Variants in ORMDL3 observed in about 807,000 individuals in gnomAD.
ORMDL3 encodes ORM1-like protein 3.
In ORMDL3, 6 loss-of-function variants were observed where a neutral mutation model predicts 12.6. The ratio of observed to expected loss-of-function variants is 0.48; its 90% CI spans 0.26 to 0.94. ORMDL3 has a LOEUF of 0.94. Among genes scored for constraint, ORMDL3 ranks in the 40% least tolerant of loss-of-function variants. The pLI is 0.14. For missense variants in ORMDL3, 159 were observed against 205.5 expected (o/e 0.77, Z 1.38); for synonymous variants, 99 against 87.2 (o/e 1.14, Z -0.75).
intron 1 of ORMDL3, 115 bp downstream of exon 1, chr17:39,927,369 A>T: frequency 3.6e-6 from 2 of 552,846 alleles, no homozygotes; most frequent in Non-Finnish European, 4.3e-6. Context: ...CACTCCCTCC[A>T]CCCCCCACTC....
At chr17:39,927,187 C>A (rs949740752) in intron 1 of ORMDL3, 11 of 233,826 alleles carry the variant, frequency 4.7e-5, no homozygotes, top group Admixed American at 1.3e-4. Context: ...CCACAGCCAT[C>A]TCCACGCGTT....
Position 39,927,560 on chromosome 17 carries a change from A to G in ORMDL3, c.-99T>C. 4.1e-6 allele frequency: 4 copies of G among 985,096 alleles called. No homozygotes were observed. Among genetic ancestry groups the G allele is most frequent in the Non-Finnish European group, 4.8e-6 (4 of 829,898 alleles). 61.0% of individuals were successfully genotyped at this position (985,096 alleles called of 1,614,324 possible). A position where few individuals can be genotyped will look rare whatever the true frequency, so the allele number is the denominator to read the frequency against. ...CGCTGCTGCTCCAGCAGCTGTAACAACCCGCGGCTGCAGCCTCCCCGCTGG... is the reference window on the plus strand; with the variant it reads ...CGCTGCTGCTCCAGCAGCTGTAACAGCCCGCGGCTGCAGCCTCCCCGCTGG... On this transcript the variant is annotated 5_prime_UTR_variant, in exon 1 of 4. Transcript: ENST00000304046.
At chr17:39,926,821 T>C in intron 1 of ORMDL3, 1 of 985,954 alleles carries the variant, frequency 1.0e-6, no homozygotes, top group Non-Finnish European at 1.2e-6. Flanking sequence ...GCAAACCTCC[T>C]GTCTTCTGGA....
At chr17:39,926,755 GC>G in intron 1 of ORMDL3, 1 of 978,790 alleles carries the variant, frequency 1.0e-6, no homozygotes, top group Non-Finnish European at 1.2e-6. Flanking sequence ...CACCAGGGCA[GC>G]CACCAGGTGA....
At chr17:39,923,802 A>G (rs562129946) in intron 2 of ORMDL3, among the ~76,000 whole-genome samples, 33 of 152,196 alleles carry the variant, frequency 2.2e-4, no homozygotes, top group African/African-American at 7.7e-4. Context: ...AGAGATGTGG[A>G]AAAATCTGCA....
At position 39,923,125 on chromosome 17, in the gene ORMDL3, T is replaced by A. The variant is rs767069778; in HGVS notation, c.313A>T (p.Thr105Ser). 5.0e-6 allele frequency: 8 copies of A among 1,614,124 alleles called. No homozygotes were observed. The East Asian group carries it at 1.8e-4, about 36-fold the overall frequency. The change falls in exon 3 of 4, where the codon ACA (threonine) becomes TCA (serine). Residue 105 changes from threonine (T) to serine (S), a missense_variant. Physicochemically the swap from Thr to Ser is moderately conservative, Grantham distance 58. Transcript: ENST00000304046. The stretch of plus-strand genomic sequence containing the variant: ...CCAGGCACTCACAGCACGATGGGTG[T>A]GATGGTCAAGAACTTCCGAGAGGCC... ...FTASRKFLTITPIVLYFLTSF... is the reference protein window; with the variant it reads ...FTASRKFLTISPIVLYFLTSF...
chr17:39,924,145 C>A lies in ORMDL3; in HGVS notation c.59G>T (p.Arg20Leu), dbSNP rs879866057. 3.7e-6 allele frequency: 6 copies of A among 1,614,100 alleles called. No individual in the cohort carries two copies. The highest frequency in any genetic ancestry group is 4.2e-6 in the Non-Finnish European group (5 of 1,179,954). ...VNPNTRVMNS[R>L]GIWLSYVLAI... ...CAGCACGTAGGAGAGCCAGATGCCACGGCTGTTCATCACCCGCGTGTTGGG... is the reference window on the plus strand; with the variant it reads ...CAGCACGTAGGAGAGCCAGATGCCAAGGCTGTTCATCACCCGCGTGTTGGG... Residue 20 changes from arginine (R) to leucine (L), a missense_variant, in exon 2 of 4, where the codon CGT becomes CTT. Coordinates refer to ENST00000304046, the MANE Select transcript of ORMDL3 (RefSeq NM_139280.4).
chr17:39,923,895 G>C, intron 2 of ORMDL3, 135 bp downstream of exon 2: 1 of 890,438 alleles, frequency 1.1e-6, no homozygotes, highest in East Asian at 2.7e-5. Flanking sequence ...CCTGGGCTCT[G>C]GAGGCAGATG....
At chr17:39,922,789 T>G in intron 3 of ORMDL3, 104 bp from the exon 4 acceptor site, 2 of 1,388,444 alleles carry the variant, frequency 1.4e-6, no homozygotes, top group Non-Finnish European at 1.9e-6. Flanking sequence ...GCTAAGGAGT[T>G]ACAGAAGAGG....
intron 1 of ORMDL3, chr17:39,926,578 T>C (rs17608925): frequency 0.098 from 16,316 of 166,448 alleles, 910 homozygotes; most frequent in South Asian, 0.15. Context: ...TGGGCCCTGA[T>C]GTGGTTTCAT....
At chr17:39,923,673 G>C (rs532322369) in intron 2 of ORMDL3, among the ~76,000 whole-genome samples, 5 of 152,156 alleles carry the variant, frequency 3.3e-5, no homozygotes, top group Non-Finnish European at 5.9e-5. Context: ...AAGCTAACTT[G>C]AGAAAGGGGC....
At chr17:39,922,796 G>A (rs1978306698) in intron 3 of ORMDL3, 111 bp from the exon 4 acceptor site, 2 of 1,355,144 alleles carry the variant, frequency 1.5e-6, no homozygotes, top group Non-Finnish European at 1.0e-6. Context: ...AGTTACAGAA[G>A]AGGTTCCCAG....
intron 1 of ORMDL3, chr17:39,927,077 G>C: frequency 1.1e-6 from 1 of 909,986 alleles, no homozygotes; most frequent in Non-Finnish European, 1.3e-6. Flanking sequence ...TGTTGTTGGG[G>C]TTTTCTGAGT....
rs1049129470 is a variant in ORMDL3, at chr17:39,927,571, C to G, written c.-110G>C. Reference sequence around the variant, plus strand: ...CAGCAGCTGTAACAACCCGCGGCTGCAGCCTCCCCGCTGGCAGCTCCGGCC... The same window carrying G: ...CAGCAGCTGTAACAACCCGCGGCTGGAGCCTCCCCGCTGGCAGCTCCGGCC... On this transcript the variant is annotated 5_prime_UTR_variant, in exon 1 of 4. Transcript: ENST00000304046. 1 of 985,522 alleles carries G rather than the reference C, an allele frequency of 1.0e-6. No homozygotes were observed. The highest frequency in any genetic ancestry group is 1.2e-6 in the Non-Finnish European group (1 of 830,082). 61.0% of individuals were successfully genotyped at this position (985,522 alleles called of 1,614,324 possible).
At chr17:39,926,602 C>A (rs1223094534) in intron 1 of ORMDL3, 2 of 203,006 alleles carry the variant, frequency 9.9e-6, no homozygotes, top group Non-Finnish European at 1.7e-5. Context: ...CTGCCTCAAA[C>A]CAGAGCCTGC....
intron 2 of ORMDL3, 149 bp downstream of exon 2, chr17:39,923,881 T>C: frequency 1.3e-6 from 1 of 770,822 alleles, no homozygotes; most frequent in Non-Finnish European, 2.0e-6. Context: ...AGGTAAGGGC[T>C]AGGCCTGGGC....
intron 1 of ORMDL3, chr17:39,926,885 G>A: frequency 1.0e-6 from 1 of 986,244 alleles, no homozygotes; most frequent in Non-Finnish European, 1.2e-6. Context: ...GGAGTCCGGG[G>A]CAGCACGTCA....
chr17:39,927,128 G>A (rs920594559), intron 1 of ORMDL3: 2 of 541,134 alleles, frequency 3.7e-6, no homozygotes, highest in Non-Finnish European at 4.7e-6. Context: ...GTCCCGCTCT[G>A]TTCCCCAGCC....
chr17:39,925,907 G>A (rs1978387762), intron 1 of ORMDL3: 1 of 152,142 alleles, frequency 6.6e-6, no homozygotes, highest in African/African-American at 2.4e-5. Context: ...ATCTTCCCAG[G>A]GCCTTGGGGC....
Sources: gnomAD v4.1 joint callset for allele counts (sites outside exome capture counted in the v4.1 genomes callset) on GRCh38, gnomAD v4.1.1 for gene constraint, MANE v1.5 for transcripts, NCBI Gene and HGNC (gene_info 2026-07-23, HGNC 2026-07-21) for gene names.